Variants in USP40 observed in about 807,000 individuals in gnomAD.
USP40 encodes ubiquitin carboxyl-terminal hydrolase 40.
USP40 carries 143 observed loss-of-function variants against 166.2 expected under a neutral mutation model. That is an observed-to-expected ratio of 0.86 (90% confidence interval 0.75 to 0.99). The LOEUF (loss-of-function observed/expected upper bound fraction) is 0.99. Ranked by LOEUF, USP40 falls within the 50% of genes least tolerant of loss-of-function variation. The pLI, the probability that USP40 is intolerant of heterozygous loss-of-function variation, is 0.00. For synonymous variants in USP40, 498 were observed against 524.0 expected (o/e 0.95, Z 0.68); for missense variants, 1,444 against 1,479.7 (o/e 0.98, Z 0.40).
At chr2:233,529,318 A>G in intron 12 of USP40, 113 bp downstream of exon 12, 1 of 853,130 alleles carries the variant, frequency 1.2e-6, no homozygotes, top group Non-Finnish European at 1.7e-6. Context: ...CACTTGCATT[A>G]ACAAGTTGAC....
At chr2:233,561,062 A>T in intron 3 of USP40, 2 of 1,315,698 alleles carry the variant, frequency 1.5e-6, no homozygotes, top group Non-Finnish European at 2.1e-6. Flanking sequence ...TTTGATAATT[A>T]ATAAAATTAT....
chr2:233,510,352 C>T (rs1212103512), intron 20 of USP40, among the ~76,000 whole-genome samples: 1 of 149,330 alleles, frequency 6.7e-6, no homozygotes, highest in East Asian at 2.0e-4. Context: ...GTTTTTTACT[C>T]CTAATAAATG....
chr2:233,515,018 C>T (rs959822990), intron 18 of USP40, among the ~76,000 whole-genome samples: 3 of 152,172 alleles, frequency 2.0e-5, no homozygotes, highest in Non-Finnish European at 2.9e-5. Context: ...TACTCTTTTG[C>T]ATCTACTTTC....
intron 5 of USP40, among the ~76,000 whole-genome samples, chr2:233,556,087 G>C (rs2071061233): frequency 6.7e-6 from 1 of 149,702 alleles, no homozygotes; most frequent in Admixed American, 6.7e-5. Context: ...CTGCACTCCA[G>C]CCTGGGCGAC....
intron 21 of USP40, among the ~76,000 whole-genome samples, chr2:233,502,699 AC>A (rs2125118463): frequency 6.6e-6 from 1 of 152,038 alleles, no homozygotes; most frequent in South Asian, 2.1e-4. Context: ...CCTCCACCAA[AC>A]CATGTCACCT....
At chr2:233,520,962 C>T (rs1470617939) in intron 17 of USP40, 29 bp downstream of exon 17, 1 of 1,587,712 alleles carries the variant, frequency 6.3e-7, no homozygotes, top group South Asian at 1.1e-5. Context: ...GAAAATCTAT[C>T]AGCCAACCTT....
At chr2:233,533,375 C>T (rs984398768) in intron 11 of USP40, 104 bp downstream of exon 11, 33 of 1,200,762 alleles carry the variant, frequency 2.7e-5, no homozygotes, top group Non-Finnish European at 3.6e-5. Flanking sequence ...AAAAATGTTC[C>T]AAGAGTAAAC....
intron 5 of USP40, among the ~76,000 whole-genome samples, chr2:233,556,317 C>A (rs1175284895): frequency 6.6e-6 from 1 of 151,878 alleles, no homozygotes; most frequent in African/African-American, 2.4e-5. Context: ...ATTAAATGGG[C>A]AATATGTGTC....
intron 18 of USP40, chr2:233,519,391 G>A (rs1354717530): frequency 4.6e-6 from 2 of 433,872 alleles, no homozygotes; most frequent in East Asian, 4.8e-5. Context: ...TCTGGGGAAG[G>A]AGAGAAAGAA....
At chr2:233,520,840 C>T (rs2067602419) in intron 17 of USP40, 151 bp downstream of exon 17, 9 of 810,616 alleles carry the variant, frequency 1.1e-5, no homozygotes, top group Non-Finnish European at 1.6e-5. Flanking sequence ...CATAGGTAAA[C>T]AAGCAATAAT....
At position 233,525,508 on chromosome 2, in the gene USP40, C is replaced by T. The variant is rs1200121924; in HGVS notation, c.1780G>A (p.Ala594Thr). ...AGTGACTGGTAAATGTGAAGTCCTG[C>T]TGGTACAAGCTTTGCAACACTAAGA... ...MVLSVAKLVP[A>T]GLHIYQSLGG... is the part of the protein sequence containing the mutation. The change falls in exon 14 of 32, where the codon GCA becomes ACA. Residue 594 changes from alanine (A) to threonine (T), a missense_variant. Ala to Thr is a moderately conservative substitution (Grantham distance 58). Transcript: ENST00000678225. The T allele has an allele frequency of 5.6e-6, 9 of 1,613,098 alleles. No individual in the cohort carries two copies. The highest frequency in any genetic ancestry group is 1.7e-5 in the Admixed American group (1 of 59,958).
chr2:233,518,522 G>A (rs554919819), intron 18 of USP40, among the ~76,000 whole-genome samples: 27 of 147,316 alleles, frequency 1.8e-4, no homozygotes, highest in Admixed American at 4.8e-4. Context: ...AGCGGAGATC[G>A]TGTCACTGCA....
intron 5 of USP40, 104 bp downstream of exon 5, chr2:233,556,751 T>C: frequency 1.8e-6 from 2 of 1,092,806 alleles, no homozygotes; most frequent in Non-Finnish European, 2.4e-6. Flanking sequence ...AAATTACTTT[T>C]AGTAATAAAC....
chr2:233,532,775 C>T (rs1276374055), intron 11 of USP40, among the ~76,000 whole-genome samples: 1 of 151,882 alleles, frequency 6.6e-6, no homozygotes, highest in Non-Finnish European at 1.5e-5. Flanking sequence ...GACCCTGTCT[C>T]TAAAAAAATG....
intron 16 of USP40, among the ~76,000 whole-genome samples, chr2:233,522,005 G>A (rs2067691108): frequency 6.6e-6 from 1 of 152,280 alleles, no homozygotes; most frequent in South Asian, 2.1e-4. Flanking sequence ...CAGACAAGAA[G>A]ACTGAGCAGA....
chr2:233,530,267 G>A (rs2068416907), intron 11 of USP40, among the ~76,000 whole-genome samples: 1 of 150,486 alleles, frequency 6.6e-6, no homozygotes, highest in African/African-American at 2.5e-5. Context: ...TAAAAACTGG[G>A]ATAATATTCA....
chr2:233,552,225 A>AG lies in USP40; in HGVS notation c.694-707_694-706insC, dbSNP rs375726929. Among the ~76,000 whole-genome samples the AG allele has an allele frequency of 6.6e-3, 939 of 143,152 alleles. 3 individuals carry two copies. Among genetic ancestry groups the AG allele is most frequent in the African/African-American group, 0.023 (888 of 39,344 alleles). The allele number at this position is 143,152 out of a possible 152,430, so 93.9% of individuals were successfully genotyped here. A position where few individuals can be genotyped will look rare whatever the true frequency, so the allele number is the denominator to read the frequency against. ...AGTGGGTAAAAAAAAAAGTTGAATG[A>AG]AAAAAAAAAAACAAAAAACCCCAGC... On this transcript the variant is annotated intron_variant, in intron 6 of 31. Coordinates refer to ENST00000678225, the MANE Select transcript of USP40 (RefSeq NM_001365479.2).
intron 20 of USP40, 26 bp downstream of exon 20, chr2:233,511,682 GT>G (rs2066848889): frequency 6.3e-7 from 1 of 1,584,056 alleles, no homozygotes; most frequent in African/African-American, 1.3e-5. Flanking sequence ...GGTTGATTTT[GT>G]TTTGAAACAG....
chr2:233,498,563 C>G lies in USP40; in HGVS notation c.2700G>C (p.Glu900Asp). The G allele has an allele frequency of 6.2e-7, 1 of 1,613,340 alleles. No homozygotes were observed. The highest frequency in any genetic ancestry group is 1.1e-5 in the South Asian group (1 of 91,008). Residue 900 changes from glutamate to aspartate, a missense_variant, in exon 23 of 32, where the codon GAG becomes GAC. Transcript: ENST00000678225. ...RKMDWCYEAGEPLCEEDATLK... is the reference protein window; with the variant it reads ...RKMDWCYEAGDPLCEEDATLK... Reference sequence around the variant, plus strand: ...ATCATCTTACTTCTTCACATAAAGGCTCTCCAGCTTCATAGCACCAATCCA... The same window carrying G: ...ATCATCTTACTTCTTCACATAAAGGGTCTCCAGCTTCATAGCACCAATCCA...
Sources: allele counts gnomAD v4.1 joint callset (sites outside exome capture counted in the v4.1 genomes callset), GRCh38; gene constraint gnomAD v4.1.1; transcripts MANE v1.5; gene names NCBI Gene and HGNC (gene_info 2026-07-23, HGNC 2026-07-21).